Variants in TIAM1 observed in about 807,000 individuals in gnomAD.
TIAM1 encodes the protein TIAM Rac1 associated GEF 1, also known as rho guanine nucleotide exchange factor TIAM1.
In TIAM1, 65 loss-of-function variants were observed where a neutral mutation model predicts 163.5. That is an observed-to-expected ratio of 0.40 (90% CI 0.33 to 0.49). The LOEUF (loss-of-function observed/expected upper bound fraction) is 0.49, where lower values mean the gene tolerates loss of function less well. Ranked by LOEUF, TIAM1 falls within the 20% of genes least tolerant of loss-of-function variation. TIAM1 has a pLI of 0.77. For synonymous variants in TIAM1, 833 were observed against 810.1 expected, an observed-to-expected ratio of 1.03 and a Z score of -0.48; for missense variants, 1,789 against 2,044.7, an observed-to-expected ratio of 0.87 and a Z score of 2.41.
At chr21:31,245,762 T>TA in intron 5 of TIAM1, 102 bp from the exon 6 acceptor site, 1 of 1,135,704 alleles carries the variant, frequency 8.8e-7, no homozygotes, top group Middle Eastern at 2.8e-4. Context: ...GGCTGAAAAT[T>TA]AAAGCACGTG....
chr21:31,256,593 A>ACACACACACT (rs1418267653), intron 4 of TIAM1, among the ~76,000 whole-genome samples: 11 of 141,204 alleles, frequency 7.8e-5, no homozygotes, highest in Admixed American at 6.2e-4. Context: ...CTCACTACAC[A>ACACACACACT]CACACACACA....
chr21:31,476,598 C>T lies in TIAM1; in HGVS notation c.-421-12563G>A, dbSNP rs147764663. On this transcript the variant is annotated intron_variant, in intron 1 of 28. Transcript: ENST00000286827. ...TTCTTCATTTTCTCTTCTCATTTTC[C>T]GTGGGGATGAGTGTCCAGACAGGCA... 3.2e-3 allele frequency among the ~76,000 whole-genome samples: 480 copies of T among 152,210 alleles called. 2 individuals carry two copies. Among genetic ancestry groups the T allele is most frequent in the Non-Finnish European group, 3.9e-3 (262 of 68,022 alleles).
chr21:31,219,083 G>C (rs989415121), intron 8 of TIAM1, among the ~76,000 whole-genome samples: 3 of 136,128 alleles, frequency 2.2e-5, no homozygotes, highest in Admixed American at 1.7e-4. Flanking sequence ...CCAGGCTGGA[G>C]TCCAGTGGAG....
At chr21:31,363,068 T>G (rs1414049125) in intron 2 of TIAM1, among the ~76,000 whole-genome samples, 4 of 152,178 alleles carry the variant, frequency 2.6e-5, no homozygotes, top group Non-Finnish European at 5.9e-5. Context: ...CCTCAAGCCC[T>G]GTACACAGTG....
At chr21:31,447,265 C>G (rs998601779) in intron 2 of TIAM1, among the ~76,000 whole-genome samples, 2 of 151,982 alleles carry the variant, frequency 1.3e-5, no homozygotes, top group South Asian at 4.1e-4. Flanking sequence ...CTGGTAGCAA[C>G]TGGGAAAAAA....
chr21:31,162,927 G>A (rs2084001640), intron 16 of TIAM1, among the ~76,000 whole-genome samples: 1 of 152,078 alleles, frequency 6.6e-6, no homozygotes, highest in Admixed American at 6.6e-5. Context: ...AAGAACCACG[G>A]AGTCAGAGCG....
At chr21:31,353,914 C>T (rs1281861886) in intron 2 of TIAM1, among the ~76,000 whole-genome samples, 2 of 124,202 alleles carry the variant, frequency 1.6e-5, no homozygotes, top group Non-Finnish European at 3.2e-5. Flanking sequence ...TTTCAGCTCA[C>T]TGCAACCTCT....
chr21:31,393,001 G>A (rs529819673), intron 2 of TIAM1, among the ~76,000 whole-genome samples: 1 of 150,990 alleles, frequency 6.6e-6, no homozygotes, highest in African/African-American at 2.4e-5. Context: ...TGTTGCCCGG[G>A]CTAGAGTGCA....
intron 15 of TIAM1, among the ~76,000 whole-genome samples, chr21:31,172,564 C>G (rs1412468478): frequency 6.6e-6 from 1 of 152,070 alleles, no homozygotes; most frequent in Non-Finnish European, 1.5e-5. Flanking sequence ...CATCCACATC[C>G]CAGTACTGAG....
chr21:31,308,068 T>C (rs1279993137), intron 2 of TIAM1, among the ~76,000 whole-genome samples: 5 of 152,102 alleles, frequency 3.3e-5, no homozygotes, highest in East Asian at 1.9e-4. Flanking sequence ...CTGGGTAACA[T>C]GGCAAAACCT....
intron 1 of TIAM1, among the ~76,000 whole-genome samples, chr21:31,536,664 G>A (rs1189256386): frequency 1.3e-5 from 2 of 152,234 alleles, no homozygotes; most frequent in African/African-American, 4.8e-5. Context: ...GAGTGGGCAG[G>A]GCTGGGGTGA....
chr21:31,210,788 A>AAGAGAAAGAAGGAAGGAAGGAAGGG (rs1422073277), intron 10 of TIAM1, among the ~76,000 whole-genome samples: 2 of 141,194 alleles, frequency 1.4e-5, no homozygotes, highest in African/African-American at 6.2e-5. Flanking sequence ...GAAAGAAAGA[A>AAGAGAAAGAAGGAAGGAAGGAAGGG]AGAAAGAAAG....
intron 12 of TIAM1, among the ~76,000 whole-genome samples, chr21:31,198,619 C>G (rs778550987): frequency 7.9e-5 from 12 of 152,202 alleles, no homozygotes; most frequent in Non-Finnish European, 1.3e-4. Flanking sequence ...ACGTTCACTT[C>G]AACTTATCAG....
chr21:31,280,299 T>C (rs186277023), intron 2 of TIAM1, among the ~76,000 whole-genome samples: 3 of 152,286 alleles, frequency 2.0e-5, no homozygotes, highest in East Asian at 1.9e-4. Context: ...GTTCTCCCAA[T>C]TGGTGAGTAA....
At chr21:31,471,870 A>AAATAATAATAATAATAAT (rs551501073) in intron 1 of TIAM1, among the ~76,000 whole-genome samples, 1,548 of 118,890 alleles carry the variant, frequency 0.013, 41 homozygotes, top group African/African-American at 0.049. Context: ...ACTCCATCTC[A>AAATAATAATAATAATAAT]AATAATAATA....
chr21:31,130,430 A>T, intron 24 of TIAM1, 115 bp from the exon 25 acceptor site: 1 of 776,208 alleles, frequency 1.3e-6, no homozygotes, highest in Non-Finnish European at 2.2e-6. Flanking sequence ...GCGTGCCCAA[A>T]GGATCTTCAC....
At chr21:31,379,695 A>G (rs2076745516) in intron 2 of TIAM1, among the ~76,000 whole-genome samples, 1 of 152,256 alleles carries the variant, frequency 6.6e-6, no homozygotes, top group African/African-American at 2.4e-5. Context: ...CACAGCAATA[A>G]AAAGAAATGA....
intron 1 of TIAM1, among the ~76,000 whole-genome samples, chr21:31,478,818 GGGGTGGAGGCA>G (rs2046017321): frequency 6.6e-6 from 1 of 152,140 alleles, no homozygotes; most frequent in South Asian, 2.1e-4. Flanking sequence ...CAACACAAAT[GGGGTGGAGGCA>G]GCTAGCTGAC....
chr21:31,385,070 T>G (rs1414978836), intron 2 of TIAM1, among the ~76,000 whole-genome samples: 1 of 152,152 alleles, frequency 6.6e-6, no homozygotes, highest in East Asian at 1.9e-4. Flanking sequence ...TGTCTTTTTT[T>G]GTGTGTGTGA....
Sources: gnomAD v4.1 joint callset for allele counts (sites outside exome capture counted in the v4.1 genomes callset) on GRCh38, gnomAD v4.1.1 for gene constraint, MANE v1.5 for transcripts, NCBI Gene and HGNC (gene_info 2026-07-23, HGNC 2026-07-21) for gene names.